MXD3: variants seen among roughly 807,000 people sequenced by gnomAD.
MXD3 encodes the protein MAX dimerization protein 3.
Under a neutral mutation model 27.5 loss-of-function variants are expected in MXD3, and 20 were observed. The observed-to-expected ratio is 0.73, with a 90% CI of 0.51 to 1.06. The LOEUF is 1.06. Ranked by LOEUF, MXD3 falls within the 50% of genes least tolerant of loss-of-function variation. The pLI is 0.00. For missense variants in MXD3, 298 were observed against 291.3 expected, an observed-to-expected ratio of 1.02 and a Z score of -0.17; for synonymous variants, 150 against 130.7, an observed-to-expected ratio of 1.15 and a Z score of -1.01.
chr5:177,311,090 G>T, intron 2 of MXD3: 1 of 538,466 alleles, frequency 1.9e-6, no homozygotes, highest in Non-Finnish European at 3.3e-6. Context: ...GGAAGCCAGC[G>T]GGGGAGGTGA....
rs767311379 is a variant in MXD3, at chr5:177,307,766, C to T, written c.505+15G>A. 6.2e-7 allele frequency: 1 copy of T among 1,613,072 alleles called. No homozygotes were observed. Among genetic ancestry groups the T allele is most frequent in the South Asian group, 1.1e-5 (1 of 91,052 alleles). On this transcript the variant is annotated intron_variant, in intron 5 of 5. Coordinates refer to ENST00000439742, the MANE Select transcript of MXD3 (RefSeq NM_031300.4). ...CCCCGAGGGCCACACAACCCCTCAG[C>T]CTCGGGGCACTCACCTTGGTCTGAG...
chr5:177,309,717 G>A (rs934504236), intron 4 of MXD3, among the ~76,000 whole-genome samples: 2 of 152,234 alleles, frequency 1.3e-5, no homozygotes, highest in African/African-American at 4.8e-5. Context: ...TGAATCTGCC[G>A]CCCATCAGCT....
upstream of MXD3, chr5:177,312,400 G>C: frequency 1.0e-6 from 1 of 984,974 alleles, no homozygotes; most frequent in Non-Finnish European, 1.2e-6. Context: ...ATTGGCTGGC[G>C]CTCTGCCCCG....
chr5:177,306,866 A>G (rs1302381113), downstream of MXD3: 13 of 724,518 alleles, frequency 1.8e-5, no homozygotes, highest in Non-Finnish European at 2.6e-5. Flanking sequence ...TAAGCCCGAC[A>G]AGGGCAGGGC....
At position 177,307,779 on chromosome 5, in the gene MXD3, A is replaced by G; in HGVS notation, c.505+2T>C. On this transcript the variant is annotated splice_donor_variant, in intron 5 of 5. Coordinates refer to ENST00000439742, the MANE Select transcript of MXD3 (RefSeq NM_031300.4). LOFTEE classifies it high-confidence loss of function. ...ACAACCCCTCAGCCTCGGGGCACTCACCTTGGTCTGAGTCTGAGCGCTCAG... is the reference window on the plus strand; with the variant it reads ...ACAACCCCTCAGCCTCGGGGCACTCGCCTTGGTCTGAGTCTGAGCGCTCAG... The G allele has an allele frequency of 1.2e-6, 2 of 1,612,782 alleles. No homozygotes were observed. Among genetic ancestry groups the G allele is most frequent in the African/African-American group, 1.3e-5 (1 of 74,948 alleles).
At position 177,307,327 on chromosome 5, in the gene MXD3, C is replaced by G; in HGVS notation, c.*261G>C. The G allele has an allele frequency of 6.5e-7, 1 of 1,544,344 alleles. No individual in the cohort carries two copies. The highest frequency in any genetic ancestry group is 8.8e-7 in the Non-Finnish European group (1 of 1,141,928). Reference sequence around the variant, plus strand: ...TCCTGTCCCCTTGGGGGCAGCAGAGCCAAATGCTTGGGCTCGGGCCCAAGC... The same window carrying G: ...TCCTGTCCCCTTGGGGGCAGCAGAGGCAAATGCTTGGGCTCGGGCCCAAGC... On this transcript the variant is annotated 3_prime_UTR_variant, in exon 6 of 6. Transcript: ENST00000439742.
At position 177,307,401 on chromosome 5, in the gene MXD3, C is replaced by T; in HGVS notation, c.*187G>A. ...GAGGTCCTGATGAGTCCTGCCCCTT[C>T]CCTTCCAGAGGGCCTGCCTGGCAGC... On this transcript the variant is annotated 3_prime_UTR_variant, in exon 6 of 6. Coordinates refer to ENST00000439742, the MANE Select transcript of MXD3 (RefSeq NM_031300.4). The T allele has an allele frequency of 6.7e-7, 1 of 1,491,076 alleles. No individual in the cohort carries two copies. Among genetic ancestry groups the T allele is most frequent in the Non-Finnish European group, 9.1e-7 (1 of 1,100,190 alleles). 92.4% of individuals were successfully genotyped at this position (1,491,076 alleles called of 1,614,324 possible). A position where few individuals can be genotyped will look rare whatever the true frequency, so the allele number is the denominator to read the frequency against.
chr5:177,312,071 G>C, upstream of MXD3: 1 of 1,203,098 alleles, frequency 8.3e-7, no homozygotes, highest in Non-Finnish European at 1.0e-6. Flanking sequence ...CCAGGGGCAG[G>C]TAAGGGCGCT....
In MXD3 at chr5:177,310,415, G is replaced by C. The variant is rs577584755; in HGVS notation, c.321+11C>G. The stretch of plus-strand genomic sequence containing the variant: ...AGGGCAAGCCAGTCCGGGCGCAGTG[G>C]GGGGCCTCACCTGGATGTGCATCCT... On this transcript the variant is annotated intron_variant, in intron 4 of 5. Transcript: ENST00000439742. 326 of 1,605,512 alleles carry C rather than the reference G, an allele frequency of 2.0e-4. 6 individuals carry two copies. In the South Asian group the frequency reaches 3.5e-3, roughly 17 times the overall value.
rs753248915 is a variant in MXD3, at chr5:177,307,970, G to A, written c.322-6C>T. The stretch of plus-strand genomic sequence containing the variant: ...TGCTCCTGATCCTCCAGCTTCTGCG[G>A]ATCCCAAAGGAGCAAGGGGCTGGGG... On this transcript the variant is annotated splice_region_variant and splice_polypyrimidine_tract_variant and intron_variant, in intron 4 of 5. Coordinates refer to ENST00000439742, the MANE Select transcript of MXD3 (RefSeq NM_031300.4). 4.6e-6 allele frequency: 7 copies of A among 1,535,680 alleles called. No homozygotes were observed. Among genetic ancestry groups the A allele is most frequent in the African/African-American group, 1.4e-5 (1 of 72,894 alleles).
chr5:177,307,160 T>A (rs1760899684), downstream of MXD3: 5 of 1,547,472 alleles, frequency 3.2e-6, no homozygotes, highest in East Asian at 1.2e-4. Flanking sequence ...CCAGTGGGTC[T>A]GTGGTTGGGA....
chr5:177,306,277 T>C, downstream of MXD3: 1 of 1,557,530 alleles, frequency 6.4e-7, no homozygotes, highest in Non-Finnish European at 8.8e-7. Flanking sequence ...GAGCTGGGAC[T>C]CCTTGTCTGT....
chr5:177,311,536 G>A (rs1399925030), intron 1 of MXD3, 52 bp from the exon 2 acceptor site: 5 of 1,358,824 alleles, frequency 3.7e-6, no homozygotes, highest in Non-Finnish European at 4.9e-6. Context: ...CCTGGTCCCA[G>A]CGGCAGCCCC....
At chr5:177,312,450 GA>G (rs1761061484), upstream of MXD3, 1 of 985,428 alleles carries the variant, frequency 1.0e-6, no homozygotes, top group South Asian at 4.7e-5. Context: ...GGCGGGAAAA[GA>G]AGCAGGTTTC....
chr5:177,305,752 G>A (rs560047567), downstream of MXD3: 75 of 820,916 alleles, frequency 9.1e-5, no homozygotes, highest in African/African-American at 1.2e-3. Flanking sequence ...GTGCAGTCAG[G>A]GGAAGGAATG....
At chr5:177,308,591 T>G (rs557191773) in intron 4 of MXD3, among the ~76,000 whole-genome samples, 9 of 152,270 alleles carry the variant, frequency 5.9e-5, no homozygotes, top group African/African-American at 2.2e-4. Context: ...CAGGCTGGTC[T>G]CAAACTCCTG....
chr5:177,310,374 C>T (rs759867472), intron 4 of MXD3, 52 bp downstream of exon 4: 1 of 1,446,102 alleles, frequency 6.9e-7, no homozygotes, highest in Non-Finnish European at 9.5e-7. Flanking sequence ...CTCCATAGCA[C>T]AGCCCTCCAT....
upstream of MXD3, chr5:177,312,223 C>G: frequency 1.0e-6 from 1 of 989,290 alleles, no homozygotes; most frequent in Non-Finnish European, 1.2e-6. Context: ...CCCAACATAG[C>G]ACGGCGCTCT....
downstream of MXD3, chr5:177,306,145 G>A (rs1170257694): frequency 6.2e-6 from 10 of 1,613,814 alleles, no homozygotes; most frequent in African/African-American, 2.7e-5. Flanking sequence ...AGACTATGAA[G>A]GGTTTTGAAT....
Sources: allele counts gnomAD v4.1 joint callset (sites outside exome capture counted in the v4.1 genomes callset), GRCh38; gene constraint gnomAD v4.1.1; transcripts MANE v1.5; gene names NCBI Gene and HGNC (gene_info 2026-07-23, HGNC 2026-07-21).